Variants in JRK observed in about 807,000 individuals in gnomAD.
JRK encodes Jrk helix-turn-helix protein, also known as jerky protein homolog.
For synonymous variants in JRK, 303 were observed against 218.1 expected (o/e 1.39, Z -3.43); for missense variants, 720 against 509.2 (o/e 1.41, Z -3.98).
At chr8:142,653,272 G>C (rs587750164), downstream of JRK, among the ~76,000 whole-genome samples, 3 of 152,328 alleles carry the variant, frequency 2.0e-5, no homozygotes, top group African/African-American at 7.2e-5. Context: ...ATTCTGCTAA[G>C]ATGTAGGGAT....
chr8:142,662,474 T>A lies in JRK; in HGVS notation c.*1878A>T. 1 of 985,352 alleles carries A rather than the reference T, an allele frequency of 1.0e-6. No homozygotes were observed. The highest frequency in any genetic ancestry group is 1.2e-6 in the Non-Finnish European group (1 of 829,924). The allele number at this position is 985,352 out of a possible 1,614,324, so 61.0% of individuals were successfully genotyped here. On this transcript the variant is annotated 3_prime_UTR_variant, in exon 2 of 2. Transcript: ENST00000612905. ...CAGAAATGGCACAAAGTACATGATG[T>A]GCAGAAGTTCCCCAGACAATGAAGC...
At position 142,664,367 on chromosome 8, in the gene JRK, T is replaced by A. The variant is rs1554635068; in HGVS notation, c.1692A>T (p.Thr564=). ...AGAGAAGCCATCAGTTGTCACCTGC[T>A]GTGGATGAGCAGGGCAAGGGAGACT... ...TAQSPLPCSS[T]AGDN The change falls in exon 2 of 2, where the codon ACA becomes ACT. Residue 564 remains threonine (T), a synonymous_variant. Transcript: ENST00000612905. 1.3e-6 allele frequency: 2 copies of A among 1,566,132 alleles called. No individual in the cohort carries two copies. Among genetic ancestry groups the A allele is most frequent in the East Asian group, 2.3e-5 (1 of 44,252 alleles).
rs782651097 is a variant in JRK at position 142,664,410 on chromosome 8, C to A, written c.1649G>T (p.Gly550Val). The change falls in exon 2 of 2, where the codon GGC (glycine) becomes GTC (valine). Residue 550 changes from glycine to valine, a missense_variant. Physicochemically the swap from Gly to Val is moderately radical, Grantham distance 109. Coordinates refer to ENST00000612905, the MANE Select transcript of JRK (RefSeq NM_003724.4). Reference sequence around the variant, plus strand: ...GGGAGACTGAGCTGTGGCCCCACAGCCACCAGGGCCCTCCTGGAGGGCTTC... The same window carrying A: ...GGGAGACTGAGCTGTGGCCCCACAGACACCAGGGCCCTCCTGGAGGGCTTC... ...KVEALQEGPG[G>V]CGATAQSPLP... 1 of 1,599,386 alleles carries A rather than the reference C, an allele frequency of 6.3e-7. No homozygotes were observed. Among genetic ancestry groups the A allele is most frequent in the Non-Finnish European group, 8.5e-7 (1 of 1,170,148 alleles).
chr8:142,667,441 A>ACACACACACAC (rs1334402121), intron 1 of JRK, among the ~76,000 whole-genome samples: 10 of 49,844 alleles, frequency 2.0e-4, no homozygotes. Flanking sequence ...AGACACACAC[A>ACACACACACAC]CACACACACA....
Position 142,663,517 on chromosome 8 carries a change from AG to A in JRK, c.*834del, listed in dbSNP as rs1846984194. On this transcript the variant is annotated 3_prime_UTR_variant, in exon 2 of 2. Coordinates refer to ENST00000612905, the MANE Select transcript of JRK (RefSeq NM_003724.4). ...AAGACGTATTCATGTAAAGGCCATAAGTATGAAATTCTGGGCAACATGGTAC... is the reference window on the plus strand; with the variant it reads ...AAGACGTATTCATGTAAAGGCCATAATATGAAATTCTGGGCAACATGGTAC... 1 of 985,392 alleles carries A rather than the reference AG, an allele frequency of 1.0e-6. No individual in the cohort carries two copies. Among genetic ancestry groups the A allele is most frequent in the Admixed American group, 6.1e-5 (1 of 16,274 alleles). 61.0% of individuals were successfully genotyped at this position (985,392 alleles called of 1,614,324 possible).
chr8:142,662,923 G>C lies in JRK; in HGVS notation c.*1429C>G, dbSNP rs370079342. Reference sequence around the variant, plus strand: ...ACCTGTAATCCCAGCACTTTAGAAGGATGAGGAAGGAGGATCGCTTGAGGC... The same window carrying C: ...ACCTGTAATCCCAGCACTTTAGAAGCATGAGGAAGGAGGATCGCTTGAGGC... On this transcript the variant is annotated 3_prime_UTR_variant, in exon 2 of 2. Coordinates refer to ENST00000612905, the MANE Select transcript of JRK (RefSeq NM_003724.4). The C allele has an allele frequency of 1.1e-6, 1 of 916,410 alleles. No homozygotes were observed. The allele number at this position is 916,410 out of a possible 1,614,324, so 56.8% of individuals were successfully genotyped here.
Position 142,659,829 on chromosome 8 carries a change from T to C in JRK, c.*4523A>G. 1.0e-6 allele frequency: 1 copy of C among 985,576 alleles called. No homozygotes were observed. The highest frequency in any genetic ancestry group is 1.2e-6 in the Non-Finnish European group (1 of 830,032). 61.1% of individuals were successfully genotyped at this position (985,576 alleles called of 1,614,324 possible). ...GGTAGCCCTGGGTCTCCCTCTGCCCTCAGCAACTTCACACCTGCCCCTCCC... is the reference window on the plus strand; with the variant it reads ...GGTAGCCCTGGGTCTCCCTCTGCCCCCAGCAACTTCACACCTGCCCCTCCC... On this transcript the variant is annotated 3_prime_UTR_variant, in exon 2 of 2. Transcript: ENST00000612905.
At position 142,659,902 on chromosome 8, in the gene JRK, T is replaced by C; in HGVS notation, c.*4450A>G. Reference sequence around the variant, plus strand: ...ACAGGAGTGACCCCACCTCATTTCATGTCATCATCACTGCCCTGCAAGGGA... The same window carrying C: ...ACAGGAGTGACCCCACCTCATTTCACGTCATCATCACTGCCCTGCAAGGGA... On this transcript the variant is annotated 3_prime_UTR_variant, in exon 2 of 2. Coordinates refer to ENST00000612905, the MANE Select transcript of JRK (RefSeq NM_003724.4). 1 of 985,534 alleles carries C rather than the reference T, an allele frequency of 1.0e-6. No individual in the cohort carries two copies. Among genetic ancestry groups the C allele is most frequent in the Non-Finnish European group, 1.2e-6 (1 of 829,984 alleles). The allele number at this position is 985,534 out of a possible 1,614,324, so 61.0% of individuals were successfully genotyped here. A position where few individuals can be genotyped will look rare whatever the true frequency, so the allele number is the denominator to read the frequency against.
At chr8:142,646,789 A>AGG in the JRK span, among the ~76,000 whole-genome samples, 21 of 152,312 alleles carry the variant, frequency 1.4e-4, no homozygotes, top group South Asian at 3.9e-3. Context: ...TCTTTTATAT[A>AGG]TTTTCAGTAG....
chr8:142,668,884 T>A (rs980805475), intron 1 of JRK, among the ~76,000 whole-genome samples: 24 of 151,588 alleles, frequency 1.6e-4, no homozygotes, highest in Middle Eastern at 3.4e-3. Flanking sequence ...AGGACGCTTT[T>A]CCCGGCATCC....
chr8:142,657,192 GT>G (rs1563788380), downstream of JRK, among the ~76,000 whole-genome samples: 1 of 152,190 alleles, frequency 6.6e-6, no homozygotes, highest in African/African-American at 2.4e-5. Flanking sequence ...TGCTAGATGA[GT>G]CCTATACTCA....
chr8:142,662,085 G>A lies in JRK; in HGVS notation c.*2267C>T. 1.0e-6 allele frequency: 1 copy of A among 985,612 alleles called. No individual in the cohort carries two copies. The highest frequency in any genetic ancestry group is 1.2e-6 in the Non-Finnish European group (1 of 830,058). The allele number at this position is 985,612 out of a possible 1,614,324, so 61.1% of individuals were successfully genotyped here. ...TCCAGCCACAAGGGCTGCACCTAGA[G>A]TCAGGCTCCAGGCCTTGCTGCAGTT... On this transcript the variant is annotated 3_prime_UTR_variant, in exon 2 of 2. Transcript: ENST00000612905.
chr8:142,655,911 T>G (rs1554633597), downstream of JRK, among the ~76,000 whole-genome samples: 1 of 152,254 alleles, frequency 6.6e-6, no homozygotes, highest in African/African-American at 2.4e-5. Context: ...TTTATCAGAA[T>G]CTACTGTGGA....
Position 142,659,626 on chromosome 8 carries a change from T to A in JRK, c.*4726A>T. The A allele has an allele frequency of 1.0e-6, 1 of 985,524 alleles. No individual in the cohort carries two copies. Among genetic ancestry groups the A allele is most frequent in the Non-Finnish European group, 1.2e-6 (1 of 830,010 alleles). The allele number at this position is 985,524 out of a possible 1,614,324, so 61.0% of individuals were successfully genotyped here. On this transcript the variant is annotated 3_prime_UTR_variant, in exon 2 of 2. Coordinates refer to ENST00000612905, the MANE Select transcript of JRK (RefSeq NM_003724.4). ...AGGGGCCATACCCAGATTCAGAGGC[T>A]CAGGACCACCACGGAACTGAAAGGA...
rs782545520 is a variant in JRK at position 142,664,756 on chromosome 8, G to A, written c.1303C>T (p.Arg435Cys). 38 of 1,589,682 alleles carry A rather than the reference G, an allele frequency of 2.4e-5. No homozygotes were observed. Among genetic ancestry groups the A allele is most frequent in the African/African-American group, 2.7e-5 (2 of 74,382 alleles). The stretch of plus-strand genomic sequence containing the variant: ...GCTACCCCCCAGCTGGCGGCCTGGC[G>A]CTGGCGAAGCTGGCCCGGGCAGGAG... ...GSSCPGQLRQ[R>C]QAASWGVAGR... is the part of the protein sequence containing the mutation. The change falls in exon 2 of 2, where the codon CGC (arginine) becomes TGC (cysteine). Residue 435 changes from arginine to cysteine, a missense_variant. Physicochemically the swap from Arg to Cys is radical, Grantham distance 180. Coordinates refer to ENST00000612905, the MANE Select transcript of JRK (RefSeq NM_003724.4).
At position 142,664,041 on chromosome 8, in the gene JRK, C is replaced by T. The variant is rs1173618031; in HGVS notation, c.*311G>A. 5.1e-6 allele frequency: 6 copies of T among 1,174,714 alleles called. No homozygotes were observed. The highest frequency in any genetic ancestry group is 6.3e-6 in the Non-Finnish European group (6 of 949,990). The allele number at this position is 1,174,714 out of a possible 1,614,324, so 72.8% of individuals were successfully genotyped here. A position where few individuals can be genotyped will look rare whatever the true frequency, so the allele number is the denominator to read the frequency against. On this transcript the variant is annotated 3_prime_UTR_variant, in exon 2 of 2. Coordinates refer to ENST00000612905, the MANE Select transcript of JRK (RefSeq NM_003724.4). ...TCAGCCAGCGAACACGAGACCAGAT[C>T]GGCTCAGCCTGGCCCCCATTCCAGC...
chr8:142,655,035 G>A (rs1846722564), downstream of JRK, among the ~76,000 whole-genome samples: 1 of 152,140 alleles, frequency 6.6e-6, no homozygotes, highest in South Asian at 2.1e-4. Context: ...GGCTTCAAGG[G>A]CTTCTTGAGC....
rs66729507 is a variant in JRK, at chr8:142,663,009, A to AAGGT, written c.*1342_*1343insACCT. The AAGGT allele has an allele frequency of 0.64, 351,611 of 547,480 alleles. 118,395 individuals carry two copies. Among genetic ancestry groups the AAGGT allele is most frequent in the Admixed American group, 0.69 (10,830 of 15,634 alleles). 33.9% of individuals were successfully genotyped at this position (547,480 alleles called of 1,614,324 possible). On this transcript the variant is annotated 3_prime_UTR_variant, in exon 2 of 2. Transcript: ENST00000612905. ...ACCCTGTCTCTACAAAAAAAATAAA[A>AAGGT]AGGCGCGGTGGTGCGTGCCTCTAGT...
the JRK span, among the ~76,000 whole-genome samples, chr8:142,647,627 C>A: frequency 6.6e-6 from 1 of 152,184 alleles, no homozygotes; most frequent in Admixed American, 6.5e-5. Flanking sequence ...ATTGTGAGGC[C>A]TCCCCAGCCA....
Sources: allele counts gnomAD v4.1 joint callset (sites outside exome capture counted in the v4.1 genomes callset), GRCh38; gene constraint gnomAD v4.1.1; transcripts MANE v1.5; gene names NCBI Gene and HGNC (gene_info 2026-07-23, HGNC 2026-07-21).